Variants in AREL1 observed in about 807,000 individuals in gnomAD.
The protein encoded by AREL1 is apoptosis resistant E3 ubiquitin protein ligase 1.
In AREL1, 62 loss-of-function variants were observed where a neutral mutation model predicts 99.0. The observed-to-expected ratio is 0.63, with a 90% CI of 0.51 to 0.77. AREL1 has a LOEUF of 0.77. Among genes scored for constraint, AREL1 ranks in the 30% least tolerant of loss-of-function variants. The pLI is 0.00. For missense variants in AREL1, 879 were observed against 1,027.6 expected (o/e 0.86, Z 1.98); for synonymous variants, 380 against 376.5 (o/e 1.01, Z -0.11).
intron 1 of AREL1, among the ~76,000 whole-genome samples, chr14:74,703,636 T>TA (rs1360071274): frequency 6.6e-6 from 1 of 152,236 alleles, no homozygotes; most frequent in Non-Finnish European, 1.5e-5. Context: ...TAATGGTTCT[T>TA]AGATTCATAC....
At chr14:74,711,391 T>C (rs760380035) in intron 1 of AREL1, among the ~76,000 whole-genome samples, 1 of 146,476 alleles carries the variant, frequency 6.8e-6, no homozygotes, top group Non-Finnish European at 1.5e-5. Flanking sequence ...ATACAAAAAT[T>C]AGCAAGGTAT....
chr14:74,703,714 C>A (rs771957375), intron 1 of AREL1, among the ~76,000 whole-genome samples: 19 of 152,206 alleles, frequency 1.2e-4, no homozygotes, highest in Non-Finnish European at 2.2e-4. Context: ...AATGGACATA[C>A]TGCAATCTGT....
intron 1 of AREL1, among the ~76,000 whole-genome samples, chr14:74,701,989 G>A (rs1469315422): frequency 6.6e-6 from 1 of 152,208 alleles, no homozygotes; most frequent in Non-Finnish European, 1.5e-5. Context: ...GACACAAGAG[G>A]TGGGTTCCCA....
intron 8 of AREL1, among the ~76,000 whole-genome samples, chr14:74,674,876 G>A (rs2089436155): frequency 6.6e-6 from 1 of 152,152 alleles, no homozygotes; most frequent in Non-Finnish European, 1.5e-5. Context: ...CCAGGGAAGG[G>A]AGGCAAGATG....
At chr14:74,712,086 G>GAAAAA (rs1566710387) in intron 1 of AREL1, 1 of 71,204 alleles carries the variant, frequency 1.4e-5, no homozygotes, top group Non-Finnish European at 2.9e-5. Flanking sequence ...AAGAAAGAAA[G>GAAAAA]AAAGAAAGAA....
intron 1 of AREL1, among the ~76,000 whole-genome samples, chr14:74,693,240 A>G (rs904981279): frequency 6.6e-6 from 1 of 152,208 alleles, no homozygotes; most frequent in African/African-American, 2.4e-5. Context: ...CTATCAGCCT[A>G]TGCAGTCTGC....
rs2089897807 is a variant in AREL1 at position 74,692,253 on chromosome 14, C to T, written c.-258G>A. 3 of 456,472 alleles carry T rather than the reference C, an allele frequency of 6.6e-6. No individual in the cohort carries two copies. The highest frequency in any genetic ancestry group is 3.2e-4 in the Middle Eastern group (1 of 3,098). The allele number at this position is 456,472 out of a possible 1,614,324, so 28.3% of individuals were successfully genotyped here. ...GGATGAACTCCAGGGTAGAGAAATACAGCCCAAGAATATATCATTCCTGGA... is the reference window on the plus strand; with the variant it reads ...GGATGAACTCCAGGGTAGAGAAATATAGCCCAAGAATATATCATTCCTGGA... On this transcript the variant is annotated 5_prime_UTR_variant, in exon 2 of 20. Transcript: ENST00000356357.
At position 74,669,919 on chromosome 14, in the gene AREL1, A is replaced by G. The variant is rs1299820273; in HGVS notation, c.1788+28T>C. 4.4e-6 allele frequency: 7 copies of G among 1,586,730 alleles called. No homozygotes were observed. In the South Asian group the frequency reaches 6.8e-5, roughly 15 times the overall value. On this transcript the variant is annotated intron_variant, in intron 14 of 19. Transcript: ENST00000356357. ...TTCAGGGTTAATGGCCAGGGGCCTT[A>G]GTAGGAAATGCACACCCAAGATGTT...
intron 1 of AREL1, among the ~76,000 whole-genome samples, chr14:74,697,055 G>A (rs1333649046): frequency 6.6e-6 from 1 of 152,176 alleles, no homozygotes; most frequent in Non-Finnish European, 1.5e-5. Context: ...TAAGGCAGGA[G>A]GATCTCCTAA....
chr14:74,673,370 C>T, intron 9 of AREL1, 152 bp from the exon 10 acceptor site: 1 of 799,578 alleles, frequency 1.3e-6, no homozygotes, highest in Non-Finnish European at 1.9e-6. Context: ...ATTATTTTTC[C>T]CTTCAGTGAT....
intron 2 of AREL1, among the ~76,000 whole-genome samples, chr14:74,686,507 T>C (rs1223483091): frequency 6.6e-6 from 1 of 152,234 alleles, no homozygotes; most frequent in Non-Finnish European, 1.5e-5. Flanking sequence ...TATGCTATTT[T>C]ACAATGCATG....
intron 1 of AREL1, among the ~76,000 whole-genome samples, chr14:74,706,144 C>A (rs568978076): frequency 6.6e-6 from 1 of 152,188 alleles, no homozygotes; most frequent in Non-Finnish European, 1.5e-5. Context: ...AGAGGACAGG[C>A]CCCCATGTTC....
At chr14:74,672,190 C>T (rs892193395) in intron 11 of AREL1, among the ~76,000 whole-genome samples, 2 of 152,196 alleles carry the variant, frequency 1.3e-5, no homozygotes, top group Non-Finnish European at 2.9e-5. Flanking sequence ...TCACTATTTA[C>T]ACCTGCCCTA....
intron 4 of AREL1, 145 bp from the exon 5 acceptor site, chr14:74,683,678 A>T (rs1279964047): frequency 3.0e-6 from 2 of 676,350 alleles, no homozygotes; most frequent in Non-Finnish European, 5.1e-6. Flanking sequence ...AGTCCTGCTC[A>T]CAAAAACACA....
At chr14:74,680,989 C>A (rs2089614958) in intron 5 of AREL1, among the ~76,000 whole-genome samples, 1 of 151,984 alleles carries the variant, frequency 6.6e-6, no homozygotes, top group African/African-American at 2.4e-5. Flanking sequence ...TAGAAACCAG[C>A]TTGGTTAACA....
chr14:74,666,372 T>G (rs2089208870), intron 17 of AREL1, among the ~76,000 whole-genome samples: 1 of 152,242 alleles, frequency 6.6e-6, no homozygotes, highest in Non-Finnish European at 1.5e-5. Context: ...TGCCCACACC[T>G]GATACGGACT....
At chr14:74,707,089 C>T (rs143604781) in intron 1 of AREL1, among the ~76,000 whole-genome samples, 83 of 152,302 alleles carry the variant, frequency 5.4e-4, no homozygotes, top group African/African-American at 1.8e-3. Context: ...ACGATCTGGT[C>T]GGGCACAGTG....
intron 1 of AREL1, among the ~76,000 whole-genome samples, chr14:74,710,429 G>T (rs897475557): frequency 6.6e-6 from 1 of 152,114 alleles, no homozygotes; most frequent in Non-Finnish European, 1.5e-5. Context: ...GCGTTTTTCT[G>T]TCAGTGCCTA....
At chr14:74,700,340 G>C (rs559856692) in intron 1 of AREL1, among the ~76,000 whole-genome samples, 1 of 152,222 alleles carries the variant, frequency 6.6e-6, no homozygotes, top group Non-Finnish European at 1.5e-5. Flanking sequence ...TAGTTTATAA[G>C]TGAAGGAGTC....
Sources: gnomAD v4.1 joint callset for allele counts (sites outside exome capture counted in the v4.1 genomes callset) on GRCh38, gnomAD v4.1.1 for gene constraint, MANE v1.5 for transcripts, NCBI Gene and HGNC (gene_info 2026-07-23, HGNC 2026-07-21) for gene names.